The following CNOT10 variants were observed in gnomAD, a reference collection of about 807,000 sequenced individuals.
CNOT10 encodes the protein CCR4-NOT transcription complex, subunit 10.
CNOT10 carries 30 observed loss-of-function variants against 94.6 expected under a neutral mutation model. The observed-to-expected ratio is 0.32, with a 90% CI of 0.24 to 0.43. The LOEUF (loss-of-function observed/expected upper bound fraction) is 0.43, where lower values mean the gene tolerates loss of function less well. Ranked by LOEUF, CNOT10 falls within the 20% of genes least tolerant of loss-of-function variation. The pLI is 1.00. For synonymous variants in CNOT10, 289 were observed against 301.6 expected (o/e 0.96, Z 0.43); for missense variants, 759 against 877.2 (o/e 0.87, Z 1.70).
chr3:32,740,328 G>A (rs527313321), intron 13 of CNOT10, among the ~76,000 whole-genome samples: 23 of 152,210 alleles, frequency 1.5e-4, no homozygotes, highest in Non-Finnish European at 2.6e-4. Flanking sequence ...GTGTGGTGGC[G>A]TGTGCCTGTA....
In CNOT10 at chr3:32,759,513, A is replaced by G. The variant is rs1426779819; in HGVS notation, c.1651A>G (p.Met551Val). The G allele has an allele frequency of 6.2e-7, 1 of 1,614,108 alleles. No individual in the cohort carries two copies. The highest frequency in any genetic ancestry group is 8.5e-7 in the Non-Finnish European group (1 of 1,180,008). ...YVALALGDNL[M>V]ALNHADKLLQ... ...GGCTCTGGCTTTGGGTGATAACCTC[A>G]TGGCTTTGAATCATGCAGATAAACT... is the stretch of plus-strand genomic sequence containing the variant. Residue 551 changes from methionine to valine, a missense_variant, in exon 14 of 19, where the codon ATG becomes GTG. By Grantham distance (21) the Met-to-Val change is conservative (BLOSUM62 1). This residue lies in a region of CNOT10 where 682 missense variants were observed against 799.4 expected (regional missense o/e 0.85). Transcript: ENST00000328834.
chr3:32,753,973 T>G (rs1700082162), intron 13 of CNOT10: 2 of 747,376 alleles, frequency 2.7e-6, no homozygotes, highest in South Asian at 4.0e-5. Flanking sequence ...GGTGCATGCT[T>G]GTAATCCCAG....
chr3:32,689,078 G>T (rs1380133171), intron 1 of CNOT10, among the ~76,000 whole-genome samples: 1 of 151,510 alleles, frequency 6.6e-6, no homozygotes, highest in Non-Finnish European at 1.5e-5. Context: ...GCTGGCGGGT[G>T]CCTGTGGCTC....
intron 14 of CNOT10, 131 bp from the exon 15 acceptor site, chr3:32,762,602 T>C: frequency 1.0e-6 from 1 of 959,962 alleles, no homozygotes; most frequent in Non-Finnish European, 1.5e-6. Flanking sequence ...TAAATTTAGA[T>C]TTCAATTTAA....
chr3:32,754,489 A>AATATATATATATAT, intron 13 of CNOT10, among the ~76,000 whole-genome samples: 1 of 70,212 alleles, frequency 1.4e-5, no homozygotes, highest in Non-Finnish European at 2.2e-5. Context: ...AAAAAAAAAA[A>AATATATATATATAT]ATACATATAT....
chr3:32,753,234 G>T, intron 13 of CNOT10: 1 of 749,804 alleles, frequency 1.3e-6, no homozygotes, highest in East Asian at 2.6e-5. Flanking sequence ...AAATTAGATA[G>T]TGCAGATGCT....
chr3:32,741,284 G>A (rs904137160), intron 13 of CNOT10, among the ~76,000 whole-genome samples: 1 of 151,874 alleles, frequency 6.6e-6, no homozygotes, highest in African/African-American at 2.4e-5. Flanking sequence ...ATTATTCCAT[G>A]GTATGATTGT....
intron 1 of CNOT10, among the ~76,000 whole-genome samples, chr3:32,698,204 C>T (rs1697167923): frequency 6.6e-6 from 1 of 152,196 alleles, no homozygotes; most frequent in Non-Finnish European, 1.5e-5. Context: ...AAACTTTATT[C>T]ACTTAACTCT....
rs372645686 is a variant in CNOT10 at position 32,770,915 on chromosome 3, G to A, written c.2080+953G>A. On this transcript the variant is annotated intron_variant, in intron 18 of 18. Coordinates refer to ENST00000328834, the MANE Select transcript of CNOT10 (RefSeq NM_015442.3). ...TTTTAGTAGAGACCGGGTTCACCACGTTGGCCAAGCTGGTCTTGAACTTCT... is the reference window on the plus strand; with the variant it reads ...TTTTAGTAGAGACCGGGTTCACCACATTGGCCAAGCTGGTCTTGAACTTCT... 3.0e-4 allele frequency among the ~76,000 whole-genome samples: 45 copies of A among 151,992 alleles called. 1 individual carries two copies. The South Asian group carries it at 8.7e-3, about 29-fold the overall frequency.
intron 1 of CNOT10, among the ~76,000 whole-genome samples, chr3:32,687,438 G>GGCTTTTTTTTTT (rs1696652081): frequency 6.8e-5 from 1 of 14,706 alleles, no homozygotes; most frequent in African/African-American, 3.1e-4. Flanking sequence ...AAGTCCTCAC[G>GGCTTTTTTTTTT]GTTTTTTTTT....
At chr3:32,723,810 G>A (rs1263602082) in intron 8 of CNOT10, among the ~76,000 whole-genome samples, 2 of 152,156 alleles carry the variant, frequency 1.3e-5, no homozygotes, top group Non-Finnish European at 2.9e-5. Flanking sequence ...AGCCAGGAAC[G>A]GTGCTCACAC....
At chr3:32,705,356 A>T (rs1316198723) in intron 3 of CNOT10, among the ~76,000 whole-genome samples, 2 of 152,072 alleles carry the variant, frequency 1.3e-5, no homozygotes, top group African/African-American at 4.8e-5. Context: ...TAAATAGAAG[A>T]TATTCTGCTT....
intron 18 of CNOT10, among the ~76,000 whole-genome samples, chr3:32,772,230 G>C (rs556365199): frequency 6.6e-6 from 1 of 152,294 alleles, no homozygotes; most frequent in Non-Finnish European, 1.5e-5. Context: ...TACAGTTGTA[G>C]TTCCAGCTAC....
chr3:32,754,469 TC>T (rs1700113907), intron 13 of CNOT10, among the ~76,000 whole-genome samples: 1 of 39,496 alleles, frequency 2.5e-5, no homozygotes, highest in African/African-American at 8.5e-5. Flanking sequence ...AGAGCAAGAC[TC>T]CGTCTCAAAA....
At chr3:32,703,204 G>A (rs543592225) in intron 1 of CNOT10, among the ~76,000 whole-genome samples, 6 of 151,694 alleles carry the variant, frequency 4.0e-5, no homozygotes, top group South Asian at 2.1e-4. Context: ...GATTACAGGC[G>A]TGAGCCACCG....
chr3:32,727,505 G>C (rs966810339), intron 9 of CNOT10, among the ~76,000 whole-genome samples, 163 bp from the exon 10 acceptor site: 4 of 152,182 alleles, frequency 2.6e-5, no homozygotes, highest in African/African-American at 9.6e-5. Context: ...GAATATTTGT[G>C]GGGTTGAGAA....
intron 13 of CNOT10, among the ~76,000 whole-genome samples, chr3:32,742,183 C>T (rs1186504012): frequency 1.3e-5 from 2 of 151,616 alleles, no homozygotes; most frequent in Admixed American, 6.6e-5. Context: ...CTCTTGACCT[C>T]GTGATCCACC....
At chr3:32,721,628 A>AT (rs1299720133) in intron 8 of CNOT10, among the ~76,000 whole-genome samples, 1 of 150,436 alleles carries the variant, frequency 6.6e-6, no homozygotes, top group Non-Finnish European at 1.5e-5. Flanking sequence ...TGCTAGGAAG[A>AT]TAAGTATTAT....
intron 3 of CNOT10, among the ~76,000 whole-genome samples, chr3:32,706,863 C>T (rs1391537015): frequency 6.6e-6 from 1 of 152,204 alleles, no homozygotes; most frequent in African/African-American, 2.4e-5. Context: ...AGTTCCCAAA[C>T]TCATTGAGAT....
Sources: gnomAD v4.1 joint callset for allele counts (sites outside exome capture counted in the v4.1 genomes callset) on GRCh38, gnomAD v4.1.1 for gene constraint, gnomAD v4.1.1 regional missense constraint, MANE v1.5 for transcripts, NCBI Gene and HGNC (gene_info 2026-07-23, HGNC 2026-07-21) for gene names.